Variants in CASP6 observed in about 807,000 individuals in gnomAD.
The protein encoded by CASP6 is caspase-6.
A neutral mutation model predicts 31.8 loss-of-function variants in CASP6; 20 were observed. The ratio of observed to expected loss-of-function variants is 0.63; its 90% CI spans 0.44 to 0.91. The LOEUF is 0.91. Among genes scored for constraint, CASP6 ranks in the 40% least tolerant of loss-of-function variants. The pLI is 0.00. For synonymous variants in CASP6, 130 were observed against 127.8 expected, an observed-to-expected ratio of 1.02 and a Z score of -0.12; for missense variants, 328 against 361.1, an observed-to-expected ratio of 0.91 and a Z score of 0.74.
chr4:109,684,207 C>T (rs1006757523), downstream of CASP6, among the ~76,000 whole-genome samples: 1 of 151,864 alleles, frequency 6.6e-6, no homozygotes, highest in Non-Finnish European at 1.5e-5. Flanking sequence ...GGACTACAGG[C>T]GCCTGCCACC....
the CASP6 span, among the ~76,000 whole-genome samples, chr4:109,670,719 C>CA: frequency 0.057 from 7,165 of 124,852 alleles, 488 homozygotes; most frequent in African/African-American, 0.17. Context: ...ACTCTGTCTC[C>CA]AAAAAAAAAA....
chr4:109,694,390 C>G, intron 5 of CASP6, 135 bp downstream of exon 5: 1 of 698,146 alleles, frequency 1.4e-6, no homozygotes, highest in South Asian at 2.3e-5. Context: ...CAAAGTGCAA[C>G]TATGATTGGC....
intron 1 of CASP6, among the ~76,000 whole-genome samples, chr4:109,700,884 G>C (rs189049466): frequency 5.5e-4 from 84 of 152,342 alleles, no homozygotes; most frequent in African/African-American, 1.9e-3. Context: ...TGACCACCTT[G>C]AGCTGTGTAT....
At chr4:109,666,495 T>C in the CASP6 span, among the ~76,000 whole-genome samples, 6 of 152,306 alleles carry the variant, frequency 3.9e-5, no homozygotes, top group Admixed American at 2.0e-4. Flanking sequence ...ATTTTCACCA[T>C]TGTAGTAGGT....
downstream of CASP6, chr4:109,688,562 G>A (rs570059275): frequency 3.9e-5 from 6 of 152,232 alleles, no homozygotes; most frequent in Admixed American, 2.0e-4. Flanking sequence ...TTAAATGACC[G>A]AGTAAAAAAC....
chr4:109,671,568 TC>T, the CASP6 span, among the ~76,000 whole-genome samples: 565 of 152,310 alleles, frequency 3.7e-3, 16 homozygotes, highest in South Asian at 0.059. Flanking sequence ...TTCTAGCAAT[TC>T]CTTTTGGTTC....
At chr4:109,684,413 C>T, downstream of CASP6, 2 of 1,546,062 alleles carry the variant, frequency 1.3e-6, no homozygotes, top group Middle Eastern at 3.6e-4. Context: ...TATTTGTAAA[C>T]AGAATTAACA....
the CASP6 span, among the ~76,000 whole-genome samples, chr4:109,709,292 A>G: frequency 1.2e-4 from 18 of 152,330 alleles, no homozygotes; most frequent in South Asian, 3.7e-3. Flanking sequence ...GTGTTTTAAC[A>G]AGCCTGCCAG....
upstream of CASP6, among the ~76,000 whole-genome samples, chr4:109,705,200 T>C (rs1488170147): frequency 6.6e-6 from 1 of 152,198 alleles, no homozygotes; most frequent in Non-Finnish European, 1.5e-5. Context: ...CCTAGTGCCC[T>C]TAAGAATTAT....
upstream of CASP6, among the ~76,000 whole-genome samples, chr4:109,706,131 TTATATATATATA>T (rs58847180): frequency 4.4e-4 from 16 of 36,110 alleles, no homozygotes; most frequent in Non-Finnish European, 5.4e-4. Flanking sequence ...CCTATCCATT[TTATATATATATA>T]TATATATATA....
the CASP6 span, among the ~76,000 whole-genome samples, chr4:109,664,821 T>G: frequency 6.6e-6 from 1 of 152,198 alleles, no homozygotes; most frequent in Non-Finnish European, 1.5e-5. Flanking sequence ...TATACTCTTT[T>G]TAGACTTTCA....
chr4:109,694,619 T>C lies in CASP6; in HGVS notation c.389A>G (p.Tyr130Cys). Residue 130 changes from tyrosine (Y) to cysteine (C), a missense_variant, in exon 5 of 7, where the codon TAT becomes TGT. Coordinates refer to ENST00000265164, the MANE Select transcript of CASP6 (RefSeq NM_001226.4). The stretch of plus-strand genomic sequence containing the variant: ...TGTCTGAATTTCGATTTTAGCATCA[T>C]ATGCATAAATGTGATTGCCTTCGCC... Reference protein sequence around the residue: ...SHGEGNHIYAYDAKIEIQTLT... With the variant: ...SHGEGNHIYACDAKIEIQTLT... 1 of 1,613,166 alleles carries C rather than the reference T, an allele frequency of 6.2e-7. No individual in the cohort carries two copies. Among genetic ancestry groups the C allele is most frequent in the South Asian group, 1.1e-5 (1 of 90,728 alleles).
intron 3 of CASP6, 55 bp downstream of exon 3, chr4:109,697,567 A>C (rs1730283874): frequency 6.5e-7 from 1 of 1,543,664 alleles, no homozygotes. Flanking sequence ...ACACCTGGCC[A>C]AAAGTAATTT....
At chr4:109,694,739 T>C in intron 4 of CASP6, 39 bp from the exon 5 acceptor site, 1 of 1,451,600 alleles carries the variant, frequency 6.9e-7, no homozygotes, top group Middle Eastern at 1.8e-4. Flanking sequence ...AATGAAAATA[T>C]GATGCTTGTT....
At chr4:109,684,313 C>T (rs550631495), downstream of CASP6, 18 of 611,872 alleles carry the variant, frequency 2.9e-5, no homozygotes, top group Non-Finnish European at 4.2e-5. Context: ...CCGCCCACCT[C>T]GGCCTCCCAG....
chr4:109,707,051 TCA>T (rs1730635191), upstream of CASP6, among the ~76,000 whole-genome samples: 1 of 152,244 alleles, frequency 6.6e-6, no homozygotes, highest in Non-Finnish European at 1.5e-5. Context: ...CGCTGAAGGC[TCA>T]GATGATCCCT....
intron 3 of CASP6, among the ~76,000 whole-genome samples, chr4:109,696,866 A>G (rs1302660122): frequency 6.6e-6 from 1 of 150,488 alleles, no homozygotes; most frequent in Non-Finnish European, 1.5e-5. Flanking sequence ...GCTCACTGCA[A>G]GCTCCGCCTC....
rs1730287163 is a variant in CASP6 at position 109,697,637 on chromosome 4, T to C, written c.215A>G (p.Asp72Gly). 1.2e-6 allele frequency: 2 copies of C among 1,608,892 alleles called. No homozygotes were observed. The highest frequency in any genetic ancestry group is 1.7e-5 in the Admixed American group (1 of 58,668). Residue 72 changes from aspartate to glycine, a missense_variant, in exon 3 of 7, where the codon GAC becomes GGC. Transcript: ENST00000265164. ...PERRGTCADRDNLTRRFSDLG... is the reference protein window; with the variant it reads ...PERRGTCADRGNLTRRFSDLG... ...AAACTACTACCTGCGGGTAAGATTG[T>C]CTCTATCTGCGCAGGTGCCCCGCCT... is the stretch of plus-strand genomic sequence containing the variant.
the CASP6 span, among the ~76,000 whole-genome samples, chr4:109,671,752 T>C: frequency 6.6e-6 from 1 of 152,158 alleles, no homozygotes; most frequent in Non-Finnish European, 1.5e-5. Flanking sequence ...CAAACTGTGG[T>C]TGTTGTTGTT....
Sources: gnomAD v4.1 joint callset for allele counts (sites outside exome capture counted in the v4.1 genomes callset) on GRCh38, gnomAD v4.1.1 for gene constraint, MANE v1.5 for transcripts, NCBI Gene and HGNC (gene_info 2026-07-23, HGNC 2026-07-21) for gene names.